IMPG1: variants seen among roughly 807,000 people sequenced by gnomAD.
IMPG1 encodes interphotoreceptor matrix proteoglycan of 150 kDa.
Under a neutral mutation model 92.0 loss-of-function variants are expected in IMPG1, and 85 were observed. The ratio of observed to expected loss-of-function variants is 0.92; its 90% CI spans 0.78 to 1.11. The LOEUF is 1.11. IMPG1 is among the 50% of genes least tolerant of loss of function. The pLI, the probability that IMPG1 is intolerant of heterozygous loss-of-function variation, is 0.00. For synonymous variants in IMPG1, 367 were observed against 334.1 expected (o/e 1.10, Z -1.08); for missense variants, 1,022 against 956.0 (o/e 1.07, Z -0.91).
At chr6:76,022,056 T>C in intron 6 of IMPG1, 60 bp downstream of exon 6, 1 of 905,268 alleles carries the variant, frequency 1.1e-6, no homozygotes, top group Middle Eastern at 2.3e-4. Flanking sequence ...TCTTTTCCTG[T>C]TTTGCTAAAG....
chr6:76,043,229 T>C (rs1434337927), intron 1 of IMPG1, among the ~76,000 whole-genome samples: 1 of 152,134 alleles, frequency 6.6e-6, no homozygotes, highest in South Asian at 2.1e-4. Flanking sequence ...CGATGAACAG[T>C]TGGGACCTCT....
intron 5 of IMPG1, chr6:76,024,956 T>C (rs1044836081): frequency 1.6e-5 from 9 of 568,400 alleles, no homozygotes; most frequent in Admixed American, 1.3e-4. Context: ...TAAATGTTCA[T>C]GATGGTTGTT....
chr6:75,924,708 T>TC lies in IMPG1; in HGVS notation c.2244-1003_2244-1002insG, dbSNP rs1781515157. Among the ~76,000 whole-genome samples, 3 of 4,720 alleles carry TC rather than the reference T, an allele frequency of 6.4e-4. 1 individual carries two copies. Among genetic ancestry groups the TC allele is most frequent in the Non-Finnish European group, 3.0e-3 (3 of 1,006 alleles). 3.1% of individuals were successfully genotyped at this position (4,720 alleles called of 152,430 possible). On this transcript the variant is annotated intron_variant, in intron 15 of 16. Coordinates refer to ENST00000369950, the MANE Select transcript of IMPG1 (RefSeq NM_001563.4). ...ATTATATATAAATAATTATATATAATATATAATATATAATATAATTATATA... is the reference window on the plus strand; with the variant it reads ...ATTATATATAAATAATTATATATAATCATATAATATATAATATAATTATATA...
At chr6:75,956,546 C>A (rs941900142) in intron 12 of IMPG1, among the ~76,000 whole-genome samples, 1 of 152,144 alleles carries the variant, frequency 6.6e-6, no homozygotes, top group African/African-American at 2.4e-5. Flanking sequence ...AAAACAAGCT[C>A]CTGTATTCAT....
intron 12 of IMPG1, among the ~76,000 whole-genome samples, chr6:75,984,260 T>A (rs543943931): frequency 1.3e-5 from 2 of 152,330 alleles, no homozygotes; most frequent in East Asian, 3.9e-4. Flanking sequence ...AAAAGATATT[T>A]GCACTCCCAT....
chr6:75,964,669 T>C (rs1782272748), intron 12 of IMPG1, among the ~76,000 whole-genome samples: 1 of 102,312 alleles, frequency 9.8e-6, no homozygotes, highest in Non-Finnish European at 1.8e-5. Flanking sequence ...AGAGTGAGAC[T>C]AGTCTCAAAA....
intron 6 of IMPG1, among the ~76,000 whole-genome samples, chr6:76,019,163 G>A (rs905513771): frequency 6.6e-6 from 1 of 152,156 alleles, no homozygotes; most frequent in Non-Finnish European, 1.5e-5. Context: ...AAGAACGGAG[G>A]CATGGTTCTG....
At chr6:75,982,647 A>C (rs1782648108) in intron 12 of IMPG1, among the ~76,000 whole-genome samples, 1 of 151,562 alleles carries the variant, frequency 6.6e-6, no homozygotes, top group African/African-American at 2.4e-5. Flanking sequence ...GTGTATATAT[A>C]TATTCAAACA....
At chr6:75,934,903 C>G (rs1056246408) in intron 14 of IMPG1, 1 of 467,798 alleles carries the variant, frequency 2.1e-6, no homozygotes, top group East Asian at 7.0e-5. Flanking sequence ...CCTGCTTTTG[C>G]GCTGTCCCAT....
At chr6:75,952,675 A>G (rs74813389) in intron 12 of IMPG1, among the ~76,000 whole-genome samples, 3,635 of 152,224 alleles carry the variant, frequency 0.024, 153 homozygotes, top group African/African-American at 0.084. Context: ...TCGGGCTCTA[A>G]TCCCCAATGT....
chr6:75,988,712 C>G (rs1018809200), intron 12 of IMPG1, among the ~76,000 whole-genome samples: 2 of 152,174 alleles, frequency 1.3e-5, no homozygotes, highest in African/African-American at 4.8e-5. Flanking sequence ...TGCTTGCCTC[C>G]TTTCCCTGAA....
chr6:75,988,534 TCTCA>T (rs1479936489), intron 12 of IMPG1, among the ~76,000 whole-genome samples: 1 of 152,188 alleles, frequency 6.6e-6, no homozygotes, highest in African/African-American at 2.4e-5. Flanking sequence ...CCTTTGGTGT[TCTCA>T]CTCTTATTTC....
chr6:76,011,323 A>G (rs2149479881), intron 7 of IMPG1, 99 bp from the exon 8 acceptor site: 1 of 538,776 alleles, frequency 1.9e-6, no homozygotes, highest in Admixed American at 3.4e-5. Flanking sequence ...TTAGGGGAAC[A>G]GCTGAAAATG....
chr6:75,954,966 G>T (rs1192868452), intron 12 of IMPG1, among the ~76,000 whole-genome samples: 1 of 152,090 alleles, frequency 6.6e-6, no homozygotes, highest in African/African-American at 2.4e-5. Flanking sequence ...TGTTCCATTG[G>T]TCTATGTATC....
intron 6 of IMPG1, among the ~76,000 whole-genome samples, chr6:76,020,988 T>C (rs1362768744): frequency 1.3e-5 from 2 of 152,214 alleles, no homozygotes; most frequent in Non-Finnish European, 2.9e-5. Flanking sequence ...AGAATCTCTA[T>C]TAACATAGCT....
intron 14 of IMPG1, among the ~76,000 whole-genome samples, chr6:75,947,011 TA>T (rs1046487049): frequency 6.6e-6 from 1 of 151,948 alleles, no homozygotes; most frequent in Non-Finnish European, 1.5e-5. Flanking sequence ...TGGGCTACAT[TA>T]AAAAAAACTC....
chr6:76,017,464 T>C lies in IMPG1; in HGVS notation c.807+1254A>G, dbSNP rs184420859. ...TCAAACTGTAAAAATAGAAATATTA[T>C]ATAAAGACAAAGTATTATGAATTAA... On this transcript the variant is annotated intron_variant, in intron 7 of 16. Coordinates refer to ENST00000369950, the MANE Select transcript of IMPG1 (RefSeq NM_001563.4). 4.2e-3 allele frequency among the ~76,000 whole-genome samples: 642 copies of C among 152,326 alleles called. 5 individuals are homozygous for C. Among genetic ancestry groups the C allele is most frequent in the African/African-American group, 0.015 (607 of 41,582 alleles).
At chr6:76,044,691 C>T (rs775258193) in intron 1 of IMPG1, among the ~76,000 whole-genome samples, 6 of 150,458 alleles carry the variant, frequency 4.0e-5, no homozygotes, top group Non-Finnish European at 5.9e-5. Flanking sequence ...TATCCAGGCT[C>T]GCTGACAGAG....
At chr6:75,980,303 TATCAGGAAAGGAA>T (rs1782606307) in intron 12 of IMPG1, among the ~76,000 whole-genome samples, 1 of 152,212 alleles carries the variant, frequency 6.6e-6, no homozygotes, top group South Asian at 2.1e-4. Context: ...TTTAAAGGTA[TATCAGGAAAGGAA>T]AATGGCGTGT....
Sources: gnomAD v4.1 joint callset for allele counts (sites outside exome capture counted in the v4.1 genomes callset) on GRCh38, gnomAD v4.1.1 for gene constraint, MANE v1.5 for transcripts, NCBI Gene and HGNC (gene_info 2026-07-23, HGNC 2026-07-21) for gene names.